Variants in SLC38A12 observed in about 807,000 individuals in gnomAD.
SLC38A12 encodes solute carrier family 38 member 12, also known as putative sodium-coupled neutral amino acid transporter 12.
chr17:74,837,349 AGCAG>A, the SLC38A12 span: 1 of 985,532 alleles, frequency 1.0e-6, no homozygotes, highest in Non-Finnish European at 1.2e-6. Flanking sequence ...GCTCCGGAGT[AGCAG>A]GCTGGATGGA....
the SLC38A12 span, among the ~76,000 whole-genome samples, chr17:74,834,558 TCTTC>T: frequency 6.6e-6 from 1 of 152,170 alleles, no homozygotes; most frequent in Non-Finnish European, 1.5e-5. Context: ...CAGAACCACC[TCTTC>T]CTTCCAGGAG....
the SLC38A12 span, among the ~76,000 whole-genome samples, chr17:74,817,760 G>A: frequency 6.6e-6 from 1 of 152,104 alleles, no homozygotes; most frequent in South Asian, 2.1e-4. Flanking sequence ...CCCTGGGGGT[G>A]GTTCTGCTGT....
the SLC38A12 span, among the ~76,000 whole-genome samples, chr17:74,802,534 G>A: frequency 4.6e-5 from 7 of 152,338 alleles, no homozygotes; most frequent in East Asian, 1.9e-4. Flanking sequence ...CAGCATGACA[G>A]TTGGGTGTCT....
chr17:74,838,596 A>C, the SLC38A12 span: 4 of 1,278,188 alleles, frequency 3.1e-6, no homozygotes, highest in Non-Finnish European at 4.0e-6. Context: ...GGAACTGGCC[A>C]GCAGTGACCA....
chr17:74,837,803 G>A, the SLC38A12 span: 8 of 985,846 alleles, frequency 8.1e-6, no homozygotes, highest in African/African-American at 1.4e-4. Flanking sequence ...TGACTCGAAT[G>A]AACTCTGCAT....
the SLC38A12 span, chr17:74,777,527 A>G: frequency 6.5e-7 from 1 of 1,540,612 alleles, no homozygotes; most frequent in Non-Finnish European, 8.8e-7. Context: ...CAGCGACTAC[A>G]GTGCTGCTGT....
the SLC38A12 span, among the ~76,000 whole-genome samples, chr17:74,831,061 C>T: frequency 6.6e-6 from 1 of 152,220 alleles, no homozygotes; most frequent in Admixed American, 6.5e-5. Context: ...AGCCACAGAC[C>T]TATAGGGTCG....
chr17:74,826,238 C>G, the SLC38A12 span, among the ~76,000 whole-genome samples: 3 of 152,160 alleles, frequency 2.0e-5, no homozygotes, highest in Non-Finnish European at 4.4e-5. Context: ...GGCCAGAGCC[C>G]GTGATTTCTG....
the SLC38A12 span, among the ~76,000 whole-genome samples, chr17:74,792,455 A>C: frequency 6.6e-6 from 1 of 152,186 alleles, no homozygotes; most frequent in Non-Finnish European, 1.5e-5. Flanking sequence ...TGTCTCAAAA[A>C]AAAAAGAAAA....
chr17:74,777,229 C>A, the SLC38A12 span: 1 of 1,359,734 alleles, frequency 7.4e-7, no homozygotes, highest in Non-Finnish European at 1.1e-6. Flanking sequence ...TGTCTCAGTC[C>A]ATCAGATAGG....
chr17:74,780,946 C>T, the SLC38A12 span, among the ~76,000 whole-genome samples: 2 of 152,162 alleles, frequency 1.3e-5, no homozygotes, highest in South Asian at 2.1e-4. Context: ...TTCATTATAC[C>T]TCTCTCTACA....
chr17:74,836,104 T>C, the SLC38A12 span: 1 of 1,613,890 alleles, frequency 6.2e-7, no homozygotes, highest in African/African-American at 1.3e-5. This position sits in a 1 kb window ranked among gnomAD's most constrained non-coding sequence, Gnocchi z 4.2. Context: ...AAGCGCCACC[T>C]CACAAGGCTG....
the SLC38A12 span, chr17:74,838,503 G>T: frequency 9.8e-7 from 1 of 1,024,246 alleles, no homozygotes; most frequent in African/African-American, 1.7e-5. Context: ...AAATTCATTA[G>T]CTTCATAAAG....
the SLC38A12 span, among the ~76,000 whole-genome samples, chr17:74,812,427 GA>G: frequency 2.6e-5 from 4 of 152,154 alleles, no homozygotes; most frequent in Non-Finnish European, 4.4e-5. Context: ...AGCCACTTGA[GA>G]AATAAAAATA....
the SLC38A12 span, among the ~76,000 whole-genome samples, chr17:74,783,124 C>T: frequency 6.6e-6 from 1 of 152,154 alleles, no homozygotes. Flanking sequence ...AGCGAGACTC[C>T]GTCTCAAAAA....
At chr17:74,838,401 A>G in the SLC38A12 span, 1 of 1,005,380 alleles carries the variant, frequency 9.9e-7, no homozygotes, top group Non-Finnish European at 1.2e-6. Flanking sequence ...AACATCTGGA[A>G]CTACCCTTCT....
the SLC38A12 span, among the ~76,000 whole-genome samples, chr17:74,813,291 T>G: frequency 2.0e-5 from 3 of 152,244 alleles, no homozygotes; most frequent in Admixed American, 1.3e-4. Context: ...CCCCTGGGCA[T>G]CACCAGTCAG....
the SLC38A12 span, among the ~76,000 whole-genome samples, chr17:74,818,582 G>A: frequency 1.2e-4 from 18 of 152,312 alleles, no homozygotes; most frequent in African/African-American, 3.8e-4. Flanking sequence ...GTCAGTCACA[G>A]GGGCTGGCCG....
At chr17:74,777,619 G>C in the SLC38A12 span, 3 of 1,469,774 alleles carry the variant, frequency 2.0e-6, no homozygotes, top group Admixed American at 6.2e-5. Context: ...TCGCCATGCT[G>C]TTTATAATGT....
Sources: gnomAD v4.1 joint callset for allele counts (sites outside exome capture counted in the v4.1 genomes callset) on GRCh38, gnomAD v4.1.1 for gene constraint, Gnocchi (gnomAD v3.1) non-coding constraint, MANE v1.5 for transcripts, NCBI Gene and HGNC (gene_info 2026-07-23, HGNC 2026-07-21) for gene names.